Variants in LMO7 observed in about 807,000 individuals in gnomAD.
LMO7 encodes the protein LIM domain 7, also known as LIM domain only protein 7.
A neutral mutation model predicts 206.5 loss-of-function variants in LMO7; 120 were observed. The ratio of observed to expected loss-of-function variants is 0.58; its 90% CI spans 0.50 to 0.68. The LOEUF (loss-of-function observed/expected upper bound fraction) is 0.68. LMO7 is among the 30% of genes least tolerant of loss of function. LMO7 has a pLI of 0.00. For missense variants in LMO7, 1,959 were observed against 1,957.9 expected (o/e 1.00, Z -0.01); for synonymous variants, 706 against 681.5 (o/e 1.04, Z -0.56).
At chr13:75,670,422 G>A (rs746325536) in intron 1 of LMO7, among the ~76,000 whole-genome samples, 22 of 152,288 alleles carry the variant, frequency 1.4e-4, no homozygotes, top group Non-Finnish European at 3.2e-4. Context: ...ATCGTAGAGT[G>A]TACTTACACA....
chr13:75,659,266 TCA>T (rs2038347219), intron 1 of LMO7, among the ~76,000 whole-genome samples: 1 of 152,252 alleles, frequency 6.6e-6, no homozygotes, highest in African/African-American at 2.4e-5. Context: ...TTGAACTATA[TCA>T]CATGAATTTT....
At chr13:75,758,975 A>G (rs1208521420) in intron 3 of LMO7, among the ~76,000 whole-genome samples, 2 of 152,178 alleles carry the variant, frequency 1.3e-5, no homozygotes, top group African/African-American at 4.8e-5. Flanking sequence ...TGGGTAATTT[A>G]CAAAGCAAAG....
chr13:75,780,171 T>C (rs1028037758), intron 4 of LMO7, among the ~76,000 whole-genome samples: 1 of 152,214 alleles, frequency 6.6e-6, no homozygotes. Context: ...GCATTGTCAT[T>C]GATAAACATC....
chr13:75,852,594 AG>A (rs2063135147), intron 27 of LMO7, among the ~76,000 whole-genome samples: 1 of 152,262 alleles, frequency 6.6e-6, no homozygotes, highest in Non-Finnish European at 1.5e-5. Context: ...GTAATTTTAC[AG>A]GTGGTTCTCA....
intron 15 of LMO7, among the ~76,000 whole-genome samples, chr13:75,826,373 A>G (rs1428673243): frequency 2.0e-5 from 3 of 152,112 alleles, no homozygotes; most frequent in African/African-American, 7.2e-5. Context: ...GGCTTCCACT[A>G]TGCTAATTCA....
intron 15 of LMO7, among the ~76,000 whole-genome samples, chr13:75,825,414 A>G (rs1040508927): frequency 2.0e-5 from 3 of 152,166 alleles, no homozygotes; most frequent in African/African-American, 7.2e-5. Context: ...GCAGCTGACT[A>G]ACTGCAACTG....
intron 2 of LMO7, among the ~76,000 whole-genome samples, chr13:75,721,531 T>G (rs1485947483): frequency 6.6e-6 from 1 of 152,218 alleles, no homozygotes; most frequent in Non-Finnish European, 1.5e-5. Flanking sequence ...TAAGCAAATT[T>G]TGTTTTAAAC....
In LMO7 at chr13:75,636,444, G is replaced by A. The variant is rs534683311; in HGVS notation, c.-214G>A. On this transcript the variant is annotated 5_prime_UTR_variant, in exon 1 of 31. Coordinates refer to ENST00000377534, the MANE Select transcript of LMO7 (RefSeq NM_001306080.2). ...CTTGGGTCGCTTTCAGGAGTTTAGAGAAAGCCAGGTCTTCACGTTCGTGTA... is the reference window on the plus strand; with the variant it reads ...CTTGGGTCGCTTTCAGGAGTTTAGAAAAAGCCAGGTCTTCACGTTCGTGTA... 9.3e-6 allele frequency: 13 copies of A among 1,402,040 alleles called. No individual in the cohort carries two copies. In the Admixed American group the frequency reaches 1.5e-4, roughly 17 times the overall value. The allele number at this position is 1,402,040 out of a possible 1,614,324, so 86.8% of individuals were successfully genotyped here. A position where few individuals can be genotyped will look rare whatever the true frequency, so the allele number is the denominator to read the frequency against.
intron 1 of LMO7, among the ~76,000 whole-genome samples, chr13:75,702,533 A>G (rs926212613): frequency 1.3e-5 from 2 of 152,222 alleles, no homozygotes; most frequent in African/African-American, 2.4e-5. Context: ...ATACTCCCCA[A>G]TATTATGTAG....
At chr13:75,854,102 G>T (rs773097107) in intron 28 of LMO7, among the ~76,000 whole-genome samples, 1 of 152,268 alleles carries the variant, frequency 6.6e-6, no homozygotes. Flanking sequence ...TTAGGTCTGG[G>T]TGGCTTCTCC....
chr13:75,626,593 A>T (rs147899408), intron 2 of LMO7, among the ~76,000 whole-genome samples: 1,535 of 64,658 alleles, frequency 0.024, 186 homozygotes, highest in East Asian at 0.23. Flanking sequence ...ATATATATAT[A>T]AATTTTTTTG....
chr13:75,772,670 T>C (rs2049913467), intron 4 of LMO7, among the ~76,000 whole-genome samples: 1 of 152,132 alleles, frequency 6.6e-6, no homozygotes, highest in South Asian at 2.1e-4. Context: ...GAAGACTAAA[T>C]GAAGGAATTC....
intron 2 of LMO7, among the ~76,000 whole-genome samples, chr13:75,726,714 T>A (rs2044506235): frequency 6.6e-6 from 1 of 152,140 alleles, no homozygotes; most frequent in Non-Finnish European, 1.5e-5. Context: ...ATTCTTAAAC[T>A]GGCAGTTGAA....
chr13:75,625,708 T>A (rs2033965780), intron 2 of LMO7, among the ~76,000 whole-genome samples: 1 of 151,984 alleles, frequency 6.6e-6, no homozygotes, highest in African/African-American at 2.4e-5. Flanking sequence ...GGATAGAACA[T>A]TCCTAGTCCA....
chr13:75,668,853 G>C (rs1028722969), intron 1 of LMO7, among the ~76,000 whole-genome samples: 1 of 152,182 alleles, frequency 6.6e-6, no homozygotes, highest in African/African-American at 2.4e-5. Flanking sequence ...TTTGATTTCG[G>C]TCATGTTGAA....
chr13:75,834,881 C>T (rs2058992834), intron 17 of LMO7, among the ~76,000 whole-genome samples: 1 of 152,074 alleles, frequency 6.6e-6, no homozygotes, highest in Admixed American at 6.6e-5. Context: ...GACCTACCAA[C>T]TTATGATATC....
chr13:75,822,817 T>A (rs2057727906), intron 14 of LMO7, among the ~76,000 whole-genome samples: 1 of 87,830 alleles, frequency 1.1e-5, no homozygotes, highest in African/African-American at 3.9e-5. Flanking sequence ...ATTATATATA[T>A]ATAATAAAAT....
chr13:75,681,010 G>GT (rs113975680), intron 1 of LMO7, among the ~76,000 whole-genome samples: 3,217 of 147,908 alleles, frequency 0.022, 78 homozygotes, highest in East Asian at 0.089. Flanking sequence ...TTTTAATGAG[G>GT]TTTTTTTTTT....
At chr13:75,751,715 C>G (rs985281996) in intron 3 of LMO7, among the ~76,000 whole-genome samples, 1 of 152,106 alleles carries the variant, frequency 6.6e-6, no homozygotes, top group African/African-American at 2.4e-5. Flanking sequence ...AACCTTGTCT[C>G]TATTTTTACA....
Sources: allele counts gnomAD v4.1 joint callset (sites outside exome capture counted in the v4.1 genomes callset), GRCh38; gene constraint gnomAD v4.1.1; transcripts MANE v1.5; gene names NCBI Gene and HGNC (gene_info 2026-07-23, HGNC 2026-07-21).